ARSB: variants seen among roughly 807,000 people sequenced by gnomAD.
ARSB encodes the protein N-acetylgalactosamine-4-sulfatase.
A neutral mutation model predicts 50.9 loss-of-function variants in ARSB; 41 were observed. The observed-to-expected ratio is 0.81, with a 90% CI of 0.63 to 1.04. The LOEUF is 1.04. Ranked by LOEUF, ARSB falls within the 50% of genes least tolerant of loss-of-function variation. The probability of loss-of-function intolerance (pLI) is 0.00; values close to 1 mark genes in which losing one functional copy is unlikely to be tolerated. For missense variants in ARSB, 672 were observed against 693.3 expected (o/e 0.97, Z 0.35); for synonymous variants, 269 against 284.8 (o/e 0.94, Z 0.56).
rs990592885 is a variant in ARSB at position 78,962,551 on chromosome 5, G to A, written c.690+1865C>T. On this transcript the variant is annotated intron_variant, in intron 3 of 7. Transcript: ENST00000264914. ...TTTTTTTTTTTTTTTTTTTTGAGAC[G>A]GAGTCTTGCTCTGTCGCCCAGGCTG... is the stretch of plus-strand genomic sequence containing the variant. Among the ~76,000 whole-genome samples, 11 of 93,486 alleles carry A rather than the reference G, an allele frequency of 1.2e-4. No homozygotes were observed. In the East Asian group the frequency reaches 2.5e-3, roughly 21 times the overall value. 61.3% of individuals were successfully genotyped at this position (93,486 alleles called of 152,430 possible). A position where few individuals can be genotyped will look rare whatever the true frequency, so the allele number is the denominator to read the frequency against.
At chr5:78,819,213 C>G (rs572180274) in intron 6 of ARSB, among the ~76,000 whole-genome samples, 3 of 152,262 alleles carry the variant, frequency 2.0e-5, no homozygotes, top group Admixed American at 1.3e-4. Context: ...GTCCTACCAT[C>G]ATGAGGAGGT....
At chr5:78,802,948 T>C (rs1384792334) in intron 6 of ARSB, among the ~76,000 whole-genome samples, 1 of 152,192 alleles carries the variant, frequency 6.6e-6, no homozygotes, top group Non-Finnish European at 1.5e-5. Flanking sequence ...GGTCTCATAA[T>C]GGACTTAAAT....
At chr5:78,815,166 G>A (rs1348646862) in intron 6 of ARSB, among the ~76,000 whole-genome samples, 1 of 150,786 alleles carries the variant, frequency 6.6e-6, no homozygotes, top group Non-Finnish European at 1.5e-5. Context: ...TTATTTTAAA[G>A]AGATTGCTTA....
In ARSB at chr5:78,905,344, G is replaced by GTTTTTTTTTTTTTT. The variant is rs60622885; in HGVS notation, c.899-19518_899-19517insAAAAAAAAAAAAAA. On this transcript the variant is annotated intron_variant, in intron 4 of 7. Transcript: ENST00000264914. ...CCTTGAGTACTGCTCGTATTTTCCT[G>GTTTTTTTTTTTTTT]TTTTTTTTTTTTTGTATAATGAGTA... Among the ~76,000 whole-genome samples, 21 of 130,540 alleles carry GTTTTTTTTTTTTTT rather than the reference G, an allele frequency of 1.6e-4. 3 individuals carry two copies. Among genetic ancestry groups the GTTTTTTTTTTTTTT allele is most frequent in the East Asian group, 5.1e-4 (2 of 3,944 alleles). The allele number at this position is 130,540 out of a possible 152,430, so 85.6% of individuals were successfully genotyped here. A position where few individuals can be genotyped will look rare whatever the true frequency, so the allele number is the denominator to read the frequency against.
intron 4 of ARSB, among the ~76,000 whole-genome samples, chr5:78,888,114 C>T (rs899383724): frequency 2.0e-5 from 3 of 151,826 alleles, no homozygotes; most frequent in African/African-American, 7.2e-5. Flanking sequence ...ACACATGGGT[C>T]GGTGACAGAC....
At chr5:78,916,988 T>A (rs1749580270) in intron 4 of ARSB, among the ~76,000 whole-genome samples, 1 of 152,162 alleles carries the variant, frequency 6.6e-6, no homozygotes, top group African/African-American at 2.4e-5. Context: ...ATAATAAACG[T>A]TGAGAGAATT....
At chr5:78,873,007 C>T (rs938157030) in intron 5 of ARSB, among the ~76,000 whole-genome samples, 35 of 151,978 alleles carry the variant, frequency 2.3e-4, no homozygotes, top group Middle Eastern at 6.8e-3. Context: ...AAGAACTCAG[C>T]ATCTATGCAA....
At chr5:78,847,570 TG>T (rs1315378314) in intron 5 of ARSB, among the ~76,000 whole-genome samples, 1 of 152,220 alleles carries the variant, frequency 6.6e-6, no homozygotes, top group East Asian at 1.9e-4. Flanking sequence ...AACATAATGC[TG>T]GTCTTGTGGA....
At chr5:78,949,992 C>T (rs1370341465) in intron 4 of ARSB, among the ~76,000 whole-genome samples, 1 of 152,148 alleles carries the variant, frequency 6.6e-6, no homozygotes, top group African/African-American at 2.4e-5. Context: ...TCACTGTTTT[C>T]AGGGTTGCAG....
chr5:78,789,117 A>G (rs888729848), intron 6 of ARSB, among the ~76,000 whole-genome samples: 1 of 152,246 alleles, frequency 6.6e-6, no homozygotes, highest in Non-Finnish European at 1.5e-5. Context: ...CTTGGAAAGT[A>G]TTGTATAATA....
At chr5:78,920,966 C>T (rs1329790900) in intron 4 of ARSB, among the ~76,000 whole-genome samples, 1 of 152,090 alleles carries the variant, frequency 6.6e-6, no homozygotes, top group Non-Finnish European at 1.5e-5. Flanking sequence ...ATCAGACCTG[C>T]CAGGAGTTTG....
intron 6 of ARSB, among the ~76,000 whole-genome samples, chr5:78,826,989 C>T (rs1248609245): frequency 6.6e-6 from 1 of 152,118 alleles, no homozygotes; most frequent in East Asian, 1.9e-4. Flanking sequence ...AGGGCACCTA[C>T]AGGGGGTTCA....
chr5:78,972,516 T>TACACATACACACACACAC (rs1752493675), intron 1 of ARSB, among the ~76,000 whole-genome samples: 2 of 145,598 alleles, frequency 1.4e-5, no homozygotes, highest in African/African-American at 5.2e-5. Flanking sequence ...CACGCATACG[T>TACACATACACACACACAC]ACACACACAC....
intron 4 of ARSB, among the ~76,000 whole-genome samples, chr5:78,926,576 G>A (rs1403538787): frequency 1.3e-5 from 2 of 152,026 alleles, no homozygotes; most frequent in African/African-American, 2.4e-5. Context: ...AATTGCCTTC[G>A]AAGCCAGTTT....
chr5:78,791,269 G>T (rs1366354790), intron 6 of ARSB, among the ~76,000 whole-genome samples: 3 of 152,170 alleles, frequency 2.0e-5, no homozygotes, highest in Admixed American at 6.5e-5. Flanking sequence ...GTACAGGCAA[G>T]ATTTAGGTTT....
chr5:78,920,741 C>T (rs899646107), intron 4 of ARSB, among the ~76,000 whole-genome samples: 2 of 152,166 alleles, frequency 1.3e-5, no homozygotes, highest in African/African-American at 4.8e-5. Context: ...TTCAGCTCCT[C>T]ATAGATCACC....
chr5:78,955,191 T>G, intron 4 of ARSB, 104 bp downstream of exon 4: 4 of 1,148,220 alleles, frequency 3.5e-6, no homozygotes, highest in Non-Finnish European at 5.1e-6. Context: ...TTTGCATTTA[T>G]TTTAATAAGG....
Position 78,941,352 on chromosome 5 carries a change from T to A in ARSB, c.898+13943A>T, listed in dbSNP as rs1278273077. Among the ~76,000 whole-genome samples, 4 of 151,790 alleles carry A rather than the reference T, an allele frequency of 2.6e-5. No homozygotes were observed. In the East Asian group the frequency reaches 7.7e-4, roughly 29 times the overall value. On this transcript the variant is annotated intron_variant, in intron 4 of 7. Coordinates refer to ENST00000264914, the MANE Select transcript of ARSB (RefSeq NM_000046.5). Reference sequence around the variant, plus strand: ...TAGGAGTGGTGAGAGAGGGCATCCCTGTCTTGTGCCAGTTTTCAAAGGGAA... The same window carrying A: ...TAGGAGTGGTGAGAGAGGGCATCCCAGTCTTGTGCCAGTTTTCAAAGGGAA...
chr5:78,808,715 T>C (rs1225963886), intron 6 of ARSB, among the ~76,000 whole-genome samples: 4 of 152,174 alleles, frequency 2.6e-5, no homozygotes, highest in Non-Finnish European at 5.9e-5. Context: ...CCAAATACTT[T>C]TGAAGGCCAC....
Sources: allele counts gnomAD v4.1 joint callset (sites outside exome capture counted in the v4.1 genomes callset), GRCh38; gene constraint gnomAD v4.1.1; transcripts MANE v1.5; gene names NCBI Gene and HGNC (gene_info 2026-07-23, HGNC 2026-07-21).